Variants in PAK1 observed in about 807,000 individuals in gnomAD.
PAK1 encodes p21 (RAC1) activated kinase 1.
PAK1 carries 29 observed loss-of-function variants against 67.4 expected under a neutral mutation model. That is an observed-to-expected ratio of 0.43 (90% CI 0.32 to 0.59). The LOEUF (loss-of-function observed/expected upper bound fraction) is 0.59, where lower values mean the gene tolerates loss of function less well. Among genes scored for constraint, PAK1 ranks in the 20% least tolerant of loss-of-function variants. The probability of loss-of-function intolerance (pLI) is 0.07; values close to 1 mark genes in which losing one functional copy is unlikely to be tolerated. For missense variants in PAK1, 337 were observed against 670.7 expected, an observed-to-expected ratio of 0.50 and a Z score of 5.50; for synonymous variants, 223 against 237.4, an observed-to-expected ratio of 0.94 and a Z score of 0.56.
intron 9 of PAK1, among the ~76,000 whole-genome samples, chr11:77,345,014 T>G (rs1475221448): frequency 6.6e-6 from 1 of 152,196 alleles, no homozygotes; most frequent in Non-Finnish European, 1.5e-5. Flanking sequence ...ATCATTTCCA[T>G]ACATTCAAAA....
At chr11:77,347,339 C>T (rs753308156) in intron 9 of PAK1, among the ~76,000 whole-genome samples, 3 of 152,136 alleles carry the variant, frequency 2.0e-5, no homozygotes, top group South Asian at 4.1e-4. Flanking sequence ...TGTGCTCTTG[C>T]GGCCCAAAAC....
Position 77,405,670 on chromosome 11 carries a change from G to GACAC in PAK1, c.-21-13130_-21-13129insGTGT, listed in dbSNP as rs370157407. Among the ~76,000 whole-genome samples, 231 of 125,632 alleles carry GACAC rather than the reference G, an allele frequency of 1.8e-3. 1 individual carries two copies. The highest frequency in any genetic ancestry group is 6.9e-3 in the African/African-American group (215 of 30,958). The allele number at this position is 125,632 out of a possible 152,430, so 82.4% of individuals were successfully genotyped here. A position where few individuals can be genotyped will look rare whatever the true frequency, so the allele number is the denominator to read the frequency against. On this transcript the variant is annotated intron_variant, in intron 1 of 14. Coordinates refer to ENST00000356341, the MANE Select transcript of PAK1 (RefSeq NM_002576.5). ...CTATTCAAAGACAGACAGACAGACAGACAGACACACACACACACACACACA... is the reference window on the plus strand; with the variant it reads ...CTATTCAAAGACAGACAGACAGACAGACACACAGACACACACACACACACACACA...
At position 77,337,168 on chromosome 11, in the gene PAK1, A is replaced by ATT. The variant is rs1942836589; in HGVS notation, c.1216+155_1216+156insAA. 8.5e-5 allele frequency among the ~76,000 whole-genome samples: 13 copies of ATT among 152,202 alleles called. No individual in the cohort carries two copies. The South Asian group carries it at 2.5e-3, about 29-fold the overall frequency. On this transcript the variant is annotated intron_variant, in intron 12 of 14. Coordinates refer to ENST00000356341, the MANE Select transcript of PAK1 (RefSeq NM_002576.5). ...TGAAAAAATAATGAAATGATATCCT[A>ATT]TGATTAATACAGAAAATATAAAACA...
chr11:77,471,192 AGGGAT>A (rs753291336), intron 1 of PAK1, among the ~76,000 whole-genome samples: 3 of 151,958 alleles, frequency 2.0e-5, no homozygotes, highest in Non-Finnish European at 2.9e-5. Flanking sequence ...TTGGCAAGAG[AGGGAT>A]GGGATGGGAT....
At chr11:77,328,039 G>A (rs1940477886) in intron 14 of PAK1, among the ~76,000 whole-genome samples, 2 of 152,082 alleles carry the variant, frequency 1.3e-5, no homozygotes, top group Admixed American at 6.6e-5. Context: ...AGACAAAGAA[G>A]GCCATTACAT....
rs539757067 is a variant in PAK1, at chr11:77,416,151, G to A, written c.-21-23610C>T. 2.0e-4 allele frequency among the ~76,000 whole-genome samples: 30 copies of A among 152,050 alleles called. 1 individual carries two copies. In the South Asian group the frequency reaches 3.9e-3, roughly 20 times the overall value. On this transcript the variant is annotated intron_variant, in intron 1 of 14. Transcript: ENST00000356341. ...GTGCCACCATGCCCAGCTAATTTTC[G>A]TATTTTCAGTAGAGACGGAGTTTCA...
chr11:77,502,119 A>G, the PAK1 span, among the ~76,000 whole-genome samples: 1 of 151,984 alleles, frequency 6.6e-6, no homozygotes, highest in Admixed American at 6.6e-5. Flanking sequence ...AAATATTTAT[A>G]TAATTGAGAC....
At chr11:77,325,730 G>C (rs1939659455) in intron 14 of PAK1, among the ~76,000 whole-genome samples, 1 of 152,146 alleles carries the variant, frequency 6.6e-6, no homozygotes, top group African/African-American at 2.4e-5. Flanking sequence ...ACAGATACTA[G>C]AGACTAATGG....
At chr11:77,361,797 T>C (rs1218038505) in intron 5 of PAK1, among the ~76,000 whole-genome samples, 1 of 152,138 alleles carries the variant, frequency 6.6e-6, no homozygotes, top group African/African-American at 2.4e-5. Context: ...ACCAAATTTA[T>C]TACTTCCTGA....
At chr11:77,417,317 A>T (rs533143570) in intron 1 of PAK1, among the ~76,000 whole-genome samples, 1 of 152,356 alleles carries the variant, frequency 6.6e-6, no homozygotes, top group Admixed American at 6.5e-5. Flanking sequence ...ATGAACTATC[A>T]ACCCACAAAA....
rs576350507 is a variant in PAK1, at chr11:77,322,798, T to A, written c.*476A>T. 1.0e-4 allele frequency: 38 copies of A among 378,840 alleles called. 1 individual carries two copies. The East Asian group carries it at 1.5e-3, about 15-fold the overall frequency. 23.5% of individuals were successfully genotyped at this position (378,840 alleles called of 1,614,324 possible). ...GTCCCTGGCAGATTATCAAACCCCA[T>A]GGCATTCCCAAGCTGTTCCAGTTTT... is the stretch of plus-strand genomic sequence containing the variant. On this transcript the variant is annotated 3_prime_UTR_variant, in exon 15 of 15. Coordinates refer to ENST00000356341, the MANE Select transcript of PAK1 (RefSeq NM_002576.5).
intron 1 of PAK1, among the ~76,000 whole-genome samples, chr11:77,459,839 G>A (rs1957249069): frequency 6.6e-6 from 1 of 151,960 alleles, no homozygotes; most frequent in Admixed American, 6.6e-5. Flanking sequence ...TGGGACTACA[G>A]GCGCCCGCCA....
At chr11:77,391,601 T>C (rs1428507708) in intron 2 of PAK1, among the ~76,000 whole-genome samples, 1 of 152,192 alleles carries the variant, frequency 6.6e-6, no homozygotes. Context: ...AAATCAACAT[T>C]TTTGGTACCA....
chr11:77,476,275 G>A (rs1385886869), upstream of PAK1: 1 of 152,238 alleles, frequency 6.6e-6, no homozygotes, highest in East Asian at 1.9e-4. Context: ...CTCTACGGTA[G>A]ATACTGTTGT....
chr11:77,479,103 G>C (rs1489293943), upstream of PAK1, among the ~76,000 whole-genome samples: 1 of 139,922 alleles, frequency 7.1e-6, no homozygotes, highest in South Asian at 2.2e-4. Context: ...AAAAAAAAAA[G>C]TTAAGATCTA....
the PAK1 span, among the ~76,000 whole-genome samples, chr11:77,500,384 T>C: frequency 4.3e-4 from 65 of 152,078 alleles, no homozygotes; most frequent in African/African-American, 1.5e-3. Flanking sequence ...GGAGAATTGC[T>C]GGAACCCAGG....
At chr11:77,432,534 T>C (rs1237529860) in intron 1 of PAK1, among the ~76,000 whole-genome samples, 1 of 152,192 alleles carries the variant, frequency 6.6e-6, no homozygotes, top group African/African-American at 2.4e-5. Context: ...GGCATGCACC[T>C]GTAGTCTCAG....
At chr11:77,502,290 T>C in the PAK1 span, among the ~76,000 whole-genome samples, 3 of 152,240 alleles carry the variant, frequency 2.0e-5, no homozygotes, top group Admixed American at 6.5e-5. Flanking sequence ...GCAACTAACA[T>C]ACTATGTTGG....
intron 13 of PAK1, among the ~76,000 whole-genome samples, chr11:77,334,689 G>A (rs944591629): frequency 1.3e-5 from 2 of 151,980 alleles, no homozygotes; most frequent in African/African-American, 4.8e-5. Context: ...CTTCCTTCTT[G>A]TACATGACCA....
Sources: allele counts gnomAD v4.1 joint callset (sites outside exome capture counted in the v4.1 genomes callset), GRCh38; gene constraint gnomAD v4.1.1; transcripts MANE v1.5; gene names NCBI Gene and HGNC (gene_info 2026-07-23, HGNC 2026-07-21).